ARIH1: variants seen among roughly 807,000 people sequenced by gnomAD.
ARIH1 encodes the protein ariadne RBR E3 ubiquitin protein ligase 1, also known as E3 ubiquitin-protein ligase ARIH1.
In ARIH1, 8 loss-of-function variants were observed where a neutral mutation model predicts 85.0. The ratio of observed to expected loss-of-function variants is 0.09; its 90% confidence interval spans 0.06 to 0.17. The LOEUF (loss-of-function observed/expected upper bound fraction) is 0.17, where lower values mean the gene tolerates loss of function less well. Ranked by LOEUF, ARIH1 falls within the 10% of genes least tolerant of loss-of-function variation. The pLI is 1.00. For missense variants in ARIH1, 311 were observed against 718.1 expected, an observed-to-expected ratio of 0.43 and a Z score of 6.48; for synonymous variants, 238 against 253.6, an observed-to-expected ratio of 0.94 and a Z score of 0.59.
rs982138338 is a variant in ARIH1, at chr15:72,592,472, T to C, written c.*9180T>C. 6.6e-6 allele frequency: 1 copy of C among 152,224 alleles called. No individual in the cohort carries two copies. Among genetic ancestry groups the C allele is most frequent in the African/African-American group, 2.4e-5 (1 of 41,464 alleles). 9.4% of individuals were successfully genotyped at this position (152,224 alleles called of 1,614,324 possible). ...AATGCACACATCTTAAGTGTGAAGT[T>C]TGATGTTTTGACAGTTGTATACGTC... On this transcript the variant is annotated 3_prime_UTR_variant, in exon 14 of 14. Coordinates refer to ENST00000379887, the MANE Select transcript of ARIH1 (RefSeq NM_005744.5).
intron 3 of ARIH1, among the ~76,000 whole-genome samples, 173 bp downstream of exon 3, chr15:72,545,137 C>T (rs2064123377): frequency 6.6e-6 from 1 of 152,092 alleles, no homozygotes; most frequent in South Asian, 2.1e-4. Context: ...AGCTTGGTTC[C>T]TCTTACCTCC....
chr15:72,545,020 A>AAAGT, intron 3 of ARIH1, 56 bp downstream of exon 3: 1 of 1,441,372 alleles, frequency 6.9e-7, no homozygotes, highest in South Asian at 1.6e-5. Flanking sequence ...AGGGTAAATC[A>AAAGT]ACTTCCATTA....
chr15:72,570,895 G>A (rs565082047), intron 10 of ARIH1, among the ~76,000 whole-genome samples: 5 of 152,084 alleles, frequency 3.3e-5, no homozygotes, highest in Non-Finnish European at 7.4e-5. Context: ...TTGGGAGGCC[G>A]AGGTGGGTGG....
intron 1 of ARIH1, among the ~76,000 whole-genome samples, chr15:72,476,802 C>G (rs1049112982): frequency 6.6e-6 from 1 of 152,102 alleles, no homozygotes; most frequent in South Asian, 2.1e-4. Context: ...TAATATGGTT[C>G]CACGTTAATA....
In ARIH1 at chr15:72,582,702, C is replaced by CT. The variant is rs2064299668; in HGVS notation, c.1590-503dup. Among the ~76,000 whole-genome samples the CT allele has an allele frequency of 6.6e-6, 1 of 152,012 alleles. No individual in the cohort carries two copies. Among genetic ancestry groups the CT allele is most frequent in the African/African-American group, 2.4e-5 (1 of 41,392 alleles). The stretch of plus-strand genomic sequence containing the variant: ...ATGTTTTATTTCTCAACATGAAGCT[C>CT]TTTCTCCCAAAGTGACAAATGCTAG... On this transcript the variant is annotated intron_variant, in intron 13 of 13. Transcript: ENST00000379887. This position sits in a 1 kb window ranked among gnomAD's most constrained non-coding sequence, Gnocchi z 4.6.
intron 3 of ARIH1, among the ~76,000 whole-genome samples, chr15:72,550,082 G>A (rs532226048): frequency 1.3e-5 from 2 of 152,318 alleles, no homozygotes; most frequent in South Asian, 2.1e-4. Flanking sequence ...CTACAGATTT[G>A]TGTCTTGGTT....
intron 1 of ARIH1, among the ~76,000 whole-genome samples, chr15:72,490,925 G>C (rs534889578): frequency 8.6e-4 from 131 of 152,172 alleles, no homozygotes; most frequent in African/African-American, 2.9e-3. Context: ...AGACCAGCCT[G>C]GCCAACATGG....
At chr15:72,475,586 C>G (rs949977299) in intron 1 of ARIH1, among the ~76,000 whole-genome samples, 8 of 152,170 alleles carry the variant, frequency 5.3e-5, no homozygotes, top group Non-Finnish European at 1.2e-4. Context: ...GCTGATGGGC[C>G]TTCTTTTCAG....
At chr15:72,495,978 A>C (rs2063878370) in intron 1 of ARIH1, among the ~76,000 whole-genome samples, 1 of 152,136 alleles carries the variant, frequency 6.6e-6, no homozygotes. Context: ...TGGTGTAATC[A>C]CAGCTCACCG....
At chr15:72,504,691 A>C (rs541117331) in intron 1 of ARIH1, among the ~76,000 whole-genome samples, 1 of 152,290 alleles carries the variant, frequency 6.6e-6, no homozygotes, top group East Asian at 1.9e-4. Context: ...ATTCGGAAAG[A>C]ACCAACTGGG....
At chr15:72,498,961 A>ATTTTTTTTTTTTTT (rs535261674) in intron 1 of ARIH1, among the ~76,000 whole-genome samples, 13 of 88,448 alleles carry the variant, frequency 1.5e-4, no homozygotes, top group African/African-American at 1.4e-4. Context: ...CTTTTCATAA[A>ATTTTTTTTTTTTTT]TTTTTTTTTT....
At position 72,599,639 on chromosome 15, in the gene ARIH1, CTTA is replaced by C. The variant is rs1256160322; in HGVS notation, c.*16353_*16355del. The stretch of plus-strand genomic sequence containing the variant: ...GTGAGCTACTGCACCTGGCCTCCCC[CTTA>C]TTATTTTTTTAAACATGAATGGAAG... On this transcript the variant is annotated 3_prime_UTR_variant, in exon 14 of 14. Coordinates refer to ENST00000379887, the MANE Select transcript of ARIH1 (RefSeq NM_005744.5). 2.0e-5 allele frequency: 3 copies of C among 152,156 alleles called. No individual in the cohort carries two copies. Among genetic ancestry groups the C allele is most frequent in the African/African-American group, 7.2e-5 (3 of 41,434 alleles). The allele number at this position is 152,156 out of a possible 1,614,324, so 9.4% of individuals were successfully genotyped here.
In ARIH1 at chr15:72,588,644, C is replaced by G. The variant is rs1009218189; in HGVS notation, c.*5352C>G. 2 of 152,206 alleles carry G rather than the reference C, an allele frequency of 1.3e-5. No individual in the cohort carries two copies. Among genetic ancestry groups the G allele is most frequent in the Non-Finnish European group, 2.9e-5 (2 of 68,050 alleles). 9.4% of individuals were successfully genotyped at this position (152,206 alleles called of 1,614,324 possible). On this transcript the variant is annotated 3_prime_UTR_variant, in exon 14 of 14. Coordinates refer to ENST00000379887, the MANE Select transcript of ARIH1 (RefSeq NM_005744.5). ...TTGACTGGCTCAGAATAGGGCCTCA[C>G]TGGAGGCCCTAGTTGAGTGGGTTTT...
chr15:72,566,523 G>A, intron 7 of ARIH1, 40 bp from the exon 8 acceptor site: 1 of 1,542,708 alleles, frequency 6.5e-7, no homozygotes, highest in Non-Finnish European at 9.0e-7. Context: ...CTTACAGTAG[G>A]TAGGCCTTAA....
chr15:72,549,104 T>C (rs1324169368), intron 3 of ARIH1, among the ~76,000 whole-genome samples: 1 of 151,836 alleles, frequency 6.6e-6, no homozygotes, highest in African/African-American at 2.4e-5. Flanking sequence ...TTTTTTTTTT[T>C]TGAGGCAGAG....
At position 72,545,038 on chromosome 15, in the gene ARIH1, A is replaced by T. The variant is rs573613293; in HGVS notation, c.588+74A>T. 13 of 1,380,654 alleles carry T rather than the reference A, an allele frequency of 9.4e-6. No individual in the cohort carries two copies. The South Asian group carries it at 2.1e-4, about 22-fold the overall frequency. 85.5% of individuals were successfully genotyped at this position (1,380,654 alleles called of 1,614,324 possible). ...GTAAATCAACTTCCATTATTTAAAC[A>T]AAGGAAAATTTGTGGGTCTGGGAGT... On this transcript the variant is annotated intron_variant, in intron 3 of 13. Coordinates refer to ENST00000379887, the MANE Select transcript of ARIH1 (RefSeq NM_005744.5).
chr15:72,531,255 TTTTA>T (rs369243037), intron 2 of ARIH1, among the ~76,000 whole-genome samples: 25 of 151,834 alleles, frequency 1.6e-4, no homozygotes, highest in Middle Eastern at 3.4e-3. Flanking sequence ...AAATCCACAT[TTTTA>T]TTTATTTATT....
At chr15:72,519,465 T>G (rs2063989019) in intron 2 of ARIH1, among the ~76,000 whole-genome samples, 1 of 128,052 alleles carries the variant, frequency 7.8e-6, no homozygotes. Context: ...ATTCTGACCA[T>G]GTTTTTTTTG....
chr15:72,476,205 AAC>A (rs1305172942), intron 1 of ARIH1, among the ~76,000 whole-genome samples: 1 of 152,242 alleles, frequency 6.6e-6, no homozygotes, highest in African/African-American at 2.4e-5. Context: ...TATTATAAGT[AAC>A]AGTTTTAAAA....
Sources: allele counts gnomAD v4.1 joint callset (sites outside exome capture counted in the v4.1 genomes callset), GRCh38; gene constraint gnomAD v4.1.1; non-coding constraint Gnocchi (gnomAD v3.1); transcripts MANE v1.5; gene names NCBI Gene and HGNC (gene_info 2026-07-23, HGNC 2026-07-21).